SHLD1: variants seen among roughly 807,000 people sequenced by gnomAD.
The protein encoded by SHLD1 is shieldin complex subunit 1.
A neutral mutation model predicts 5.5 loss-of-function variants in SHLD1; 3 were observed. The observed-to-expected ratio is 0.54, with a 90% CI of 0.25 to 1.40. SHLD1 has a LOEUF of 1.40. Ranked by LOEUF, SHLD1 falls within the 40% of genes most tolerant of loss-of-function variation. The probability of loss-of-function intolerance (pLI) is 0.15; values close to 1 mark genes in which losing one functional copy is unlikely to be tolerated. For missense variants in SHLD1, 210 were observed against 244.4 expected (o/e 0.86, Z 0.94); for synonymous variants, 92 against 94.3 (o/e 0.98, Z 0.14).
Position 5,842,137 on chromosome 20 carries a change from T to A in SHLD1, c.179-20887T>A, listed in dbSNP as rs187549911. Among the ~76,000 whole-genome samples, 103 of 152,340 alleles carry A rather than the reference T, an allele frequency of 6.8e-4. 2 individuals carry two copies. In the South Asian group the frequency reaches 0.013, roughly 19 times the overall value. On this transcript the variant is annotated intron_variant, in intron 2 of 2. Transcript: ENST00000303142. Reference sequence around the variant, plus strand: ...ATACTTTTAAGATGATCACGTGTGATTTGAGATCAGAGTCTAGCATTGGAA... The same window carrying A: ...ATACTTTTAAGATGATCACGTGTGAATTGAGATCAGAGTCTAGCATTGGAA...
At position 5,799,064 on chromosome 20, in the gene SHLD1, A is replaced by G. The variant is rs2087253468; in HGVS notation, c.178+26021A>G. 3.3e-5 allele frequency among the ~76,000 whole-genome samples: 5 copies of G among 152,004 alleles called. No individual in the cohort carries two copies. In the South Asian group the frequency reaches 8.3e-4, roughly 25 times the overall value. Reference sequence around the variant, plus strand: ...ATACAAATACAAAAATTAGCCAGGCATGGTGGCGTTCACTTGTAGTCCTAG... The same window carrying G: ...ATACAAATACAAAAATTAGCCAGGCGTGGTGGCGTTCACTTGTAGTCCTAG... On this transcript the variant is annotated intron_variant, in intron 2 of 2. Transcript: ENST00000303142.
At chr20:5,839,486 A>AAGAT (rs3058152) in intron 2 of SHLD1, among the ~76,000 whole-genome samples, 57,567 of 149,808 alleles carry the variant, frequency 0.38, 11,198 homozygotes, top group Middle Eastern at 0.43. Context: ...ATTAGATAGA[A>AAGAT]AGATAGATAG....
In SHLD1 at chr20:5,825,577, G is replaced by A. The variant is rs763213022; in HGVS notation, c.179-37447G>A. Among the ~76,000 whole-genome samples the A allele has an allele frequency of 1.4e-4, 22 of 152,210 alleles. 1 individual carries two copies. Among genetic ancestry groups the A allele is most frequent in the Non-Finnish European group, 2.6e-4 (18 of 68,040 alleles). On this transcript the variant is annotated intron_variant, in intron 2 of 2. Transcript: ENST00000303142. The stretch of plus-strand genomic sequence containing the variant: ...ACAACCTGAGTTAAGATGGTGATAT[G>A]CCACTTAAAATAACAAGGCCGGCAC...
chr20:5,810,973 A>T (rs2087450932), intron 2 of SHLD1, among the ~76,000 whole-genome samples: 1 of 152,166 alleles, frequency 6.6e-6, no homozygotes. Context: ...CTGTATGATC[A>T]TCCAATGCTG....
chr20:5,760,511 G>A (rs774968080), intron 1 of SHLD1, among the ~76,000 whole-genome samples: 32 of 151,962 alleles, frequency 2.1e-4, no homozygotes, highest in Non-Finnish European at 4.1e-4. Flanking sequence ...TGACCAACAT[G>A]GCAAAACCCT....
chr20:5,779,061 G>T lies in SHLD1; in HGVS notation c.178+6018G>T, dbSNP rs148700939. On this transcript the variant is annotated intron_variant, in intron 2 of 2. Coordinates refer to ENST00000303142, the MANE Select transcript of SHLD1 (RefSeq NM_152504.4). ...CTACTAAAAATACAAAAATCAGCCA[G>T]GCATGGTGGTGGGCACCTGTAATCC... Among the ~76,000 whole-genome samples the T allele has an allele frequency of 5.4e-3, 827 of 152,166 alleles. 10 individuals are homozygous for T. Among genetic ancestry groups the T allele is most frequent in the African/African-American group, 0.019 (783 of 41,532 alleles).
chr20:5,777,681 C>T (rs916812650), intron 2 of SHLD1, among the ~76,000 whole-genome samples: 29 of 151,460 alleles, frequency 1.9e-4, no homozygotes, highest in African/African-American at 5.3e-4. Flanking sequence ...GCGATCCTCC[C>T]GCCTCAACCT....
At chr20:5,793,889 C>T (rs539866437) in intron 2 of SHLD1, among the ~76,000 whole-genome samples, 36 of 151,972 alleles carry the variant, frequency 2.4e-4, no homozygotes, top group African/African-American at 8.4e-4. Flanking sequence ...TTTGTATTTT[C>T]AGTAGAGACA....
chr20:5,754,826 C>T (rs570676258), intron 1 of SHLD1, among the ~76,000 whole-genome samples: 18 of 152,220 alleles, frequency 1.2e-4, no homozygotes, highest in South Asian at 2.1e-4. Flanking sequence ...GAGGCCGACG[C>T]GGGCGGATCA....
chr20:5,765,072 A>C (rs1011130056), intron 1 of SHLD1: 7 of 151,890 alleles, frequency 4.6e-5, no homozygotes, highest in Admixed American at 1.3e-4. Context: ...TTATTTATTT[A>C]TTATTTTAAT....
At chr20:5,752,616 T>TG (rs1983823930) in intron 1 of SHLD1, among the ~76,000 whole-genome samples, 1 of 82,016 alleles carries the variant, frequency 1.2e-5, no homozygotes, top group Non-Finnish European at 2.3e-5. Context: ...TATTTTGGGG[T>TG]TTTTTTTTTT....
intron 2 of SHLD1, among the ~76,000 whole-genome samples, chr20:5,860,567 A>G (rs751828805): frequency 1.1e-4 from 16 of 152,150 alleles, no homozygotes; most frequent in South Asian, 2.1e-4. Flanking sequence ...TGTGCTTTAC[A>G]ATGAAAAGAT....
At chr20:5,860,978 C>T (rs6053753) in intron 2 of SHLD1, among the ~76,000 whole-genome samples, 110,347 of 151,190 alleles carry the variant, frequency 0.73, 40,304 homozygotes, top group African/African-American at 0.79. Flanking sequence ...TCCCTGCTAT[C>T]GAATTTTTTA....
intron 2 of SHLD1, among the ~76,000 whole-genome samples, chr20:5,815,251 G>A (rs571224903): frequency 5.3e-5 from 8 of 152,176 alleles, no homozygotes; most frequent in Non-Finnish European, 1.0e-4. Flanking sequence ...ATCTCCAGAA[G>A]CTCTGATTTA....
At chr20:5,761,328 C>T (rs1479263670) in intron 1 of SHLD1, among the ~76,000 whole-genome samples, 3 of 151,394 alleles carry the variant, frequency 2.0e-5, no homozygotes, top group South Asian at 2.1e-4. Context: ...ACCTAGATGA[C>T]GGGTTGATAG....
At chr20:5,807,264 A>G (rs1409730616) in intron 2 of SHLD1, among the ~76,000 whole-genome samples, 2 of 152,204 alleles carry the variant, frequency 1.3e-5, no homozygotes, top group Admixed American at 6.5e-5. Flanking sequence ...CCCAGTTTTC[A>G]AAGCAGTTTC....
chr20:5,859,813 G>T (rs753281428), intron 2 of SHLD1, among the ~76,000 whole-genome samples: 7 of 152,200 alleles, frequency 4.6e-5, no homozygotes, highest in Non-Finnish European at 1.0e-4. Context: ...CTCTGAAGAC[G>T]ACTGGCAGAC....
At chr20:5,792,688 A>AAG (rs1294568369) in intron 2 of SHLD1, among the ~76,000 whole-genome samples, 1 of 146,560 alleles carries the variant, frequency 6.8e-6, no homozygotes, top group Non-Finnish European at 1.5e-5. Context: ...TTAAAAAAAA[A>AAG]AAAGAAAAAG....
intron 2 of SHLD1, among the ~76,000 whole-genome samples, chr20:5,849,820 G>T (rs925142806): frequency 3.3e-5 from 5 of 150,730 alleles, no homozygotes; most frequent in African/African-American, 1.2e-4. Flanking sequence ...TTAGCCGGGC[G>T]CGGTGGCGGG....
Sources: allele counts gnomAD v4.1 joint callset (sites outside exome capture counted in the v4.1 genomes callset), GRCh38; gene constraint gnomAD v4.1.1; transcripts MANE v1.5; gene names NCBI Gene and HGNC (gene_info 2026-07-23, HGNC 2026-07-21).